The following CHCHD3 variants were observed in gnomAD, a reference collection of about 807,000 sequenced individuals.
The protein encoded by CHCHD3 is MICOS complex subunit MIC19.
CHCHD3 carries 20 observed loss-of-function variants against 38.2 expected under a neutral mutation model. The ratio of observed to expected loss-of-function variants is 0.52; its 90% CI spans 0.37 to 0.76. The LOEUF (loss-of-function observed/expected upper bound fraction) is 0.76, where lower values mean the gene tolerates loss of function less well. CHCHD3 is among the 30% of genes least tolerant of loss of function. CHCHD3 has a pLI of 0.00. For missense variants in CHCHD3, 245 were observed against 279.2 expected, an observed-to-expected ratio of 0.88 and a Z score of 0.87; for synonymous variants, 82 against 100.0, an observed-to-expected ratio of 0.82 and a Z score of 1.07.
intron 3 of CHCHD3, among the ~76,000 whole-genome samples, chr7:132,977,822 T>C (rs769903710): frequency 7.2e-5 from 11 of 152,162 alleles, no homozygotes; most frequent in Non-Finnish European, 7.4e-5. Flanking sequence ...TAGATTTTAA[T>C]TACATATGGA....
intron 6 of CHCHD3, among the ~76,000 whole-genome samples, chr7:132,826,357 A>G (rs1029496171): frequency 6.6e-6 from 1 of 152,264 alleles, no homozygotes; most frequent in African/African-American, 2.4e-5. Context: ...AGGAGGTTTT[A>G]GTCCTTGAAA....
chr7:132,909,191 C>T (rs1465267180), intron 4 of CHCHD3, among the ~76,000 whole-genome samples: 1 of 152,122 alleles, frequency 6.6e-6, no homozygotes, highest in Non-Finnish European at 1.5e-5. Context: ...GTCAATTAAA[C>T]CTCTTTCCTT....
intron 1 of CHCHD3, among the ~76,000 whole-genome samples, chr7:133,075,388 G>A (rs1326879059): frequency 1.3e-5 from 2 of 152,090 alleles, no homozygotes; most frequent in Admixed American, 1.3e-4. Flanking sequence ...TGTATCCTTA[G>A]GCCCTTCCAA....
intron 3 of CHCHD3, among the ~76,000 whole-genome samples, chr7:132,998,083 C>A (rs138886134): frequency 2.0e-5 from 3 of 152,114 alleles, no homozygotes; most frequent in Non-Finnish European, 2.9e-5. Flanking sequence ...TTTATCTTTA[C>A]GGTAATTTCC....
intron 4 of CHCHD3, among the ~76,000 whole-genome samples, chr7:132,915,142 A>AC (rs1288559975): frequency 7.9e-5 from 12 of 151,956 alleles, no homozygotes; most frequent in Admixed American, 7.9e-4. Flanking sequence ...CCATCTCAAA[A>AC]AAAAAAAAAC....
intron 4 of CHCHD3, among the ~76,000 whole-genome samples, chr7:132,944,218 G>C (rs1244365309): frequency 1.3e-5 from 2 of 151,918 alleles, no homozygotes; most frequent in Non-Finnish European, 2.9e-5. Flanking sequence ...TGGTGACACA[G>C]GGTGCCTTAC....
intron 2 of CHCHD3, among the ~76,000 whole-genome samples, chr7:133,044,527 A>C (rs1217797540): frequency 2.0e-5 from 3 of 152,252 alleles, no homozygotes; most frequent in Admixed American, 2.0e-4. Flanking sequence ...AGAAGTACTA[A>C]AGGAAAATAA....
intron 2 of CHCHD3, among the ~76,000 whole-genome samples, chr7:133,027,174 G>A (rs1237137698): frequency 3.3e-5 from 5 of 151,702 alleles, no homozygotes; most frequent in Admixed American, 3.3e-4. Context: ...CCTGACCTCA[G>A]GTGATCTGTC....
At chr7:132,798,569 T>C (rs780923898) in intron 6 of CHCHD3, among the ~76,000 whole-genome samples, 2 of 152,172 alleles carry the variant, frequency 1.3e-5, no homozygotes, top group Non-Finnish European at 2.9e-5. Context: ...TAATAGCTCA[T>C]AGGAAAGCAA....
chr7:132,963,877 T>G (rs187721634), intron 4 of CHCHD3, among the ~76,000 whole-genome samples: 1 of 152,334 alleles, frequency 6.6e-6, no homozygotes, highest in African/African-American at 2.4e-5. Flanking sequence ...GCTGTTGAGA[T>G]AATTATTCTT....
At chr7:133,053,739 G>A (rs1192664592) in intron 2 of CHCHD3, among the ~76,000 whole-genome samples, 3 of 152,172 alleles carry the variant, frequency 2.0e-5, no homozygotes. Flanking sequence ...TGACTCTGGT[G>A]ATAAAGTGTC....
intron 3 of CHCHD3, among the ~76,000 whole-genome samples, chr7:133,013,673 A>G (rs1812945472): frequency 6.6e-6 from 1 of 152,176 alleles, no homozygotes; most frequent in African/African-American, 2.4e-5. Context: ...GAGAGATCAC[A>G]ATATATGACT....
At chr7:133,013,315 C>T (rs1274588670) in intron 3 of CHCHD3, among the ~76,000 whole-genome samples, 3 of 151,826 alleles carry the variant, frequency 2.0e-5, no homozygotes, top group Non-Finnish European at 2.9e-5. Context: ...CTCCAGATGC[C>T]GACTGCCTGC....
chr7:132,804,202 C>T (rs949268023), intron 6 of CHCHD3, among the ~76,000 whole-genome samples: 1 of 152,102 alleles, frequency 6.6e-6, no homozygotes, highest in African/African-American at 2.4e-5. Flanking sequence ...CATACCCTCC[C>T]AGAAATAATC....
chr7:133,060,746 T>TA (rs998921647), intron 2 of CHCHD3, among the ~76,000 whole-genome samples: 12 of 152,002 alleles, frequency 7.9e-5, no homozygotes, highest in Non-Finnish European at 1.3e-4. Context: ...CCATGTCTAC[T>TA]AAAAATACAA....
At chr7:132,848,524 C>G (rs1808137174) in intron 5 of CHCHD3, among the ~76,000 whole-genome samples, 1 of 152,094 alleles carries the variant, frequency 6.6e-6, no homozygotes, top group Admixed American at 6.6e-5. Context: ...ACCATTCTGT[C>G]TTTTTACAGA....
intron 6 of CHCHD3, among the ~76,000 whole-genome samples, chr7:132,798,093 T>C (rs1273247867): frequency 6.6e-6 from 1 of 152,242 alleles, no homozygotes; most frequent in East Asian, 1.9e-4. Context: ...TGGGTGATGA[T>C]TTGTCTCATT....
At chr7:132,964,113 C>T (rs984617187) in intron 4 of CHCHD3, among the ~76,000 whole-genome samples, 5 of 152,154 alleles carry the variant, frequency 3.3e-5, no homozygotes, top group Non-Finnish European at 7.4e-5. Context: ...GAATTCACTA[C>T]GAGTAGACAC....
chr7:133,014,317 T>C (rs1812961703), intron 3 of CHCHD3, among the ~76,000 whole-genome samples: 1 of 140,974 alleles, frequency 7.1e-6, no homozygotes. Context: ...TAAAATTGTT[T>C]GGGGGATAAC....
Sources: gnomAD v4.1 joint callset for allele counts (sites outside exome capture counted in the v4.1 genomes callset) on GRCh38, gnomAD v4.1.1 for gene constraint, MANE v1.5 for transcripts, NCBI Gene and HGNC (gene_info 2026-07-23, HGNC 2026-07-21) for gene names.